The following MOB3B variants were observed in gnomAD, a reference collection of about 807,000 sequenced individuals.
MOB3B encodes MOB kinase activator 3B.
A neutral mutation model predicts 18.7 loss-of-function variants in MOB3B; 7 were observed. The observed-to-expected ratio is 0.37, with a 90% confidence interval of 0.21 to 0.70. The LOEUF (loss-of-function observed/expected upper bound fraction) is 0.70, where lower values mean the gene tolerates loss of function less well. MOB3B is among the 30% of genes least tolerant of loss of function. The probability of loss-of-function intolerance (pLI) is 0.52; values close to 1 mark genes in which losing one functional copy is unlikely to be tolerated. For synonymous variants in MOB3B, 111 were observed against 99.9 expected, an observed-to-expected ratio of 1.11 and a Z score of -0.66; for missense variants, 253 against 281.3, an observed-to-expected ratio of 0.90 and a Z score of 0.72.
intron 3 of MOB3B, among the ~76,000 whole-genome samples, chr9:27,356,932 C>G (rs1036685297): frequency 4.0e-5 from 6 of 151,268 alleles, no homozygotes; most frequent in African/African-American, 9.7e-5. Flanking sequence ...ACTCAGCCAT[C>G]GATGAATTCT....
chr9:27,494,995 C>G (rs1819875492), intron 1 of MOB3B, among the ~76,000 whole-genome samples: 1 of 152,094 alleles, frequency 6.6e-6, no homozygotes, highest in African/African-American at 2.4e-5. Context: ...CTGTGGGCCA[C>G]AATCAGAGTG....
chr9:27,351,053 A>G (rs1821098809), intron 3 of MOB3B, among the ~76,000 whole-genome samples: 1 of 151,848 alleles, frequency 6.6e-6, no homozygotes, highest in African/African-American at 2.4e-5. Context: ...TGGGCACCTG[A>G]CACCACGCCT....
At position 27,438,669 on chromosome 9, in the gene MOB3B, C is replaced by T. The variant is rs547210326; in HGVS notation, c.418+16464G>A. On this transcript the variant is annotated intron_variant, in intron 2 of 3. Transcript: ENST00000262244. Reference sequence around the variant, plus strand: ...TCAAAGGGCAGCTGCTGGATAGCACCGTTGGGAGGACAAGGAGCTGCAAGA... The same window carrying T: ...TCAAAGGGCAGCTGCTGGATAGCACTGTTGGGAGGACAAGGAGCTGCAAGA... Among the ~76,000 whole-genome samples the T allele has an allele frequency of 2.6e-3, 389 of 152,174 alleles. 2 individuals carry two copies. The highest frequency in any genetic ancestry group is 3.7e-3 in the Non-Finnish European group (255 of 68,014).
chr9:27,443,190 C>G (rs1481015980), intron 2 of MOB3B, among the ~76,000 whole-genome samples: 1 of 152,172 alleles, frequency 6.6e-6, no homozygotes, highest in Non-Finnish European at 1.5e-5. Context: ...AACTACTGCC[C>G]TGCGTGACAC....
chr9:27,514,862 T>C (rs911716656), intron 1 of MOB3B, among the ~76,000 whole-genome samples: 2 of 152,216 alleles, frequency 1.3e-5, no homozygotes, highest in Non-Finnish European at 2.9e-5. Flanking sequence ...GTTGTAAGAA[T>C]TAGCCCTTCC....
chr9:27,451,817 A>C (rs1313023744), intron 2 of MOB3B, among the ~76,000 whole-genome samples: 25 of 152,236 alleles, frequency 1.6e-4, no homozygotes, highest in Admixed American at 1.6e-3. Flanking sequence ...TGATAGCACA[A>C]AGATCAAAAA....
At chr9:27,378,147 A>G (rs1224143920) in intron 2 of MOB3B, among the ~76,000 whole-genome samples, 5 of 152,244 alleles carry the variant, frequency 3.3e-5, no homozygotes, top group African/African-American at 4.8e-5. Context: ...CTGAAGACAC[A>G]TAGCTAGTAA....
At chr9:27,488,683 C>T (rs766999993) in intron 1 of MOB3B, among the ~76,000 whole-genome samples, 34 of 152,222 alleles carry the variant, frequency 2.2e-4, no homozygotes, top group Non-Finnish European at 4.3e-4. Flanking sequence ...GCTGGGATTA[C>T]AGGTGTGAGC....
At chr9:27,450,207 A>G (rs1177841934) in intron 2 of MOB3B, among the ~76,000 whole-genome samples, 9 of 152,140 alleles carry the variant, frequency 5.9e-5, no homozygotes, top group African/African-American at 2.2e-4. Flanking sequence ...TGAACAGACT[A>G]CTTACTTTAG....
intron 2 of MOB3B, among the ~76,000 whole-genome samples, chr9:27,395,455 A>T (rs10733417): frequency 0.69 from 99,742 of 144,632 alleles, 33,592 homozygotes; most frequent in East Asian, 0.89. Context: ...TAGATTTTTT[A>T]AAAAAAAAAA....
chr9:27,338,894 G>T (rs1235159058), intron 3 of MOB3B, among the ~76,000 whole-genome samples: 1 of 152,246 alleles, frequency 6.6e-6, no homozygotes, highest in Non-Finnish European at 1.5e-5. Context: ...GGACAGGCAG[G>T]TAACTCCACA....
intron 1 of MOB3B, among the ~76,000 whole-genome samples, chr9:27,509,886 G>A (rs962285902): frequency 2.6e-5 from 4 of 152,034 alleles, no homozygotes; most frequent in African/African-American, 9.7e-5. Flanking sequence ...CACCGCGTCC[G>A]GCTAATTTTT....
At chr9:27,336,710 TA>T (rs775977443) in intron 3 of MOB3B, among the ~76,000 whole-genome samples, 1 of 151,950 alleles carries the variant, frequency 6.6e-6, no homozygotes, top group Non-Finnish European at 1.5e-5. Flanking sequence ...TGGTGGCTAC[TA>T]GGGGGAGGAG....
chr9:27,370,206 G>T (rs1309227504), intron 2 of MOB3B, among the ~76,000 whole-genome samples: 1 of 152,084 alleles, frequency 6.6e-6, no homozygotes, highest in East Asian at 1.9e-4. Context: ...TGGGATTAGT[G>T]CCTTTAAAAA....
intron 2 of MOB3B, among the ~76,000 whole-genome samples, chr9:27,445,440 A>AG (rs1822675108): frequency 6.6e-6 from 1 of 152,012 alleles, no homozygotes; most frequent in Non-Finnish European, 1.5e-5. Flanking sequence ...AAACAGAAAA[A>AG]AGCCAGCAGC....
At chr9:27,405,093 CTTTTTTTTTTTTTTTTTTTTT>C (rs74178386) in intron 2 of MOB3B, among the ~76,000 whole-genome samples, 1 of 48,370 alleles carries the variant, frequency 2.1e-5, no homozygotes, top group Admixed American at 3.7e-4. Context: ...GAACCTTTGT[CTTTTTTTTTTTTTTTTTTTTT>C]TTTTTTTTTT....
chr9:27,442,995 C>A (rs1316764867), intron 2 of MOB3B, among the ~76,000 whole-genome samples: 8 of 152,188 alleles, frequency 5.3e-5, no homozygotes, highest in Non-Finnish European at 7.3e-5. Context: ...GCAGAATTTG[C>A]TCGCCCCAGA....
intron 2 of MOB3B, among the ~76,000 whole-genome samples, chr9:27,402,805 G>A (rs1821905231): frequency 1.3e-5 from 2 of 152,218 alleles, no homozygotes; most frequent in South Asian, 4.1e-4. Flanking sequence ...ACTGCAGCCT[G>A]CCAAGCCAGG....
intron 1 of MOB3B, among the ~76,000 whole-genome samples, chr9:27,467,247 C>A (rs1819398838): frequency 6.6e-6 from 1 of 152,172 alleles, no homozygotes; most frequent in African/African-American, 2.4e-5. Context: ...CCAGACTCTG[C>A]CCCTTGACCA....
Sources: allele counts gnomAD v4.1 joint callset (sites outside exome capture counted in the v4.1 genomes callset), GRCh38; gene constraint gnomAD v4.1.1; transcripts MANE v1.5; gene names NCBI Gene and HGNC (gene_info 2026-07-23, HGNC 2026-07-21).